Variants in CRACDL observed in about 807,000 individuals in gnomAD.
CRACDL encodes CRACD-like protein.
A neutral mutation model predicts 70.6 loss-of-function variants in CRACDL; 26 were observed. The observed-to-expected ratio is 0.37, with a 90% CI of 0.27 to 0.51. CRACDL has a LOEUF of 0.51. Ranked by LOEUF, CRACDL falls within the 20% of genes least tolerant of loss-of-function variation. The pLI is 0.94. For synonymous variants in CRACDL, 618 were observed against 615.2 expected, an observed-to-expected ratio of 1.00 and a Z score of -0.07; for missense variants, 1,283 against 1,376.9, an observed-to-expected ratio of 0.93 and a Z score of 1.08.
Position 98,794,526 on chromosome 2 carries a change from GC to G in CRACDL, c.*5del. On this transcript the variant is annotated 3_prime_UTR_variant, in exon 10 of 10. Transcript: ENST00000397899. ...AGTGGACATGCTTTATCAGCACACT[GC>G]CCACCTATTTTATAATCTGGGGCAT... 6.2e-7 allele frequency: 1 copy of G among 1,613,500 alleles called. No homozygotes were observed.
At chr2:98,892,151 G>C (rs1707995692) in intron 1 of CRACDL, among the ~76,000 whole-genome samples, 1 of 152,096 alleles carries the variant, frequency 6.6e-6, no homozygotes, top group Admixed American at 6.5e-5. Flanking sequence ...AATCTTAAAA[G>C]TACTCATCCT....
In CRACDL at chr2:98,822,057, G is replaced by GT; in HGVS notation, c.2215dup (p.Thr739AsnfsTer68). The stretch of plus-strand genomic sequence containing the variant: ...CTTTCCTTGGTCGCTGGGGGCCCTG[G>GT]TGCCTCGAAGGGCGGGGGCCGTCCC... On this transcript the variant is annotated frameshift_variant, in exon 7 of 10. Transcript: ENST00000397899. LOFTEE classifies it high-confidence loss of function. The surrounding 1 kb of genome is among the most constrained non-coding windows in gnomAD (Gnocchi z 4.9). 6.5e-7 allele frequency: 1 copy of GT among 1,548,970 alleles called. No homozygotes were observed. Among genetic ancestry groups the GT allele is most frequent in the Non-Finnish European group, 8.7e-7 (1 of 1,146,234 alleles).
intron 7 of CRACDL, among the ~76,000 whole-genome samples, chr2:98,808,072 C>T (rs775067213): frequency 2.0e-5 from 3 of 152,216 alleles, no homozygotes; most frequent in Non-Finnish European, 4.4e-5. Context: ...ATTTTAATTT[C>T]GCTTACATTT....
At chr2:98,908,657 G>A (rs1474292637) in intron 1 of CRACDL, 1 of 152,284 alleles carries the variant, frequency 6.6e-6, no homozygotes, top group Admixed American at 6.5e-5. Context: ...CCTGGTACAA[G>A]CTGCCACTTG....
chr2:98,897,388 C>A, intron 1 of CRACDL: 1 of 1,303,834 alleles, frequency 7.7e-7, no homozygotes, highest in South Asian at 1.2e-5. Flanking sequence ...TTTTATCTTG[C>A]ACGGACGCCA....
chr2:98,822,520 G>A lies in CRACDL; in HGVS notation c.1753C>T (p.Pro585Ser). 1 of 1,459,424 alleles carries A rather than the reference G, an allele frequency of 6.9e-7. No homozygotes were observed. The highest frequency in any genetic ancestry group is 9.0e-7 in the Non-Finnish European group (1 of 1,114,298). The allele number at this position is 1,459,424 out of a possible 1,614,324, so 90.4% of individuals were successfully genotyped here. ...SVSSCRARPR[P>S]GVSRPLERAS... Reference sequence around the variant, plus strand: ...CGTTCCAGCGGGCGGGAGACGCCCGGACGAGGCCGCGCTCGGCACGAGGAC... The same window carrying A: ...CGTTCCAGCGGGCGGGAGACGCCCGAACGAGGCCGCGCTCGGCACGAGGAC... The change falls in exon 7 of 10, where the codon CCG becomes TCG. Residue 585 changes from proline to serine, a missense_variant. Physicochemically the swap from Pro to Ser is moderately conservative, Grantham distance 74. Coordinates refer to ENST00000397899, the MANE Select transcript of CRACDL (RefSeq NM_207362.3). The surrounding 1 kb of genome is among the most constrained non-coding windows in gnomAD (Gnocchi z 4.9).
intron 1 of CRACDL, among the ~76,000 whole-genome samples, chr2:98,854,527 T>A (rs1275977847): frequency 6.6e-6 from 1 of 151,654 alleles, no homozygotes; most frequent in Admixed American, 6.6e-5. Context: ...GTTAGAAAAA[T>A]GAATAGGTAA....
rs1295464017 is a variant in CRACDL at position 98,821,848 on chromosome 2, G to A, written c.2416+9C>T. The A allele has an allele frequency of 1.2e-6, 2 of 1,606,882 alleles. No individual in the cohort carries two copies. Among genetic ancestry groups the A allele is most frequent in the African/African-American group, 1.3e-5 (1 of 74,470 alleles). ...CCCTGCCCTTCCCGCACCCTCGGCGGGCTCTTACCAGCTCCCCTGCGCAGC... is the reference window on the plus strand; with the variant it reads ...CCCTGCCCTTCCCGCACCCTCGGCGAGCTCTTACCAGCTCCCCTGCGCAGC... On this transcript the variant is annotated intron_variant, in intron 7 of 9. Transcript: ENST00000397899.
At chr2:98,895,779 A>C (rs1276511824) in intron 1 of CRACDL, among the ~76,000 whole-genome samples, 1 of 152,178 alleles carries the variant, frequency 6.6e-6, no homozygotes, top group African/African-American at 2.4e-5. Context: ...ATGTCCCCTC[A>C]AAATTCGTGT....
At chr2:98,820,004 GA>G (rs1395587123) in intron 7 of CRACDL, among the ~76,000 whole-genome samples, 1 of 151,420 alleles carries the variant, frequency 6.6e-6, no homozygotes, top group African/African-American at 2.4e-5. Flanking sequence ...ATTTTTAGTA[GA>G]GATGGGGTTT....
chr2:98,869,845 A>G (rs2104594808), intron 1 of CRACDL, among the ~76,000 whole-genome samples: 1 of 152,216 alleles, frequency 6.6e-6, no homozygotes, highest in East Asian at 1.9e-4. Flanking sequence ...ATGCTTTGTT[A>G]ACTGCTTTCC....
intron 6 of CRACDL, among the ~76,000 whole-genome samples, chr2:98,826,073 G>A (rs894675608): frequency 5.3e-5 from 8 of 152,154 alleles, no homozygotes; most frequent in African/African-American, 1.7e-4. Context: ...CAGGGGGGAC[G>A]CGTTACAGTG....
At chr2:98,933,182 G>A (rs1268855226) in intron 1 of CRACDL, among the ~76,000 whole-genome samples, 1 of 152,200 alleles carries the variant, frequency 6.6e-6, no homozygotes, top group Non-Finnish European at 1.5e-5. Flanking sequence ...ACACCAGCTG[G>A]ACAATGATGG....
chr2:98,867,020 G>A (rs1707173828), intron 1 of CRACDL, among the ~76,000 whole-genome samples: 1 of 152,102 alleles, frequency 6.6e-6, no homozygotes, highest in African/African-American at 2.4e-5. Flanking sequence ...GGAGGCCCCT[G>A]CTTAGAGGCC....
intron 1 of CRACDL, among the ~76,000 whole-genome samples, chr2:98,912,340 G>A (rs1338021157): frequency 6.6e-6 from 1 of 152,234 alleles, no homozygotes; most frequent in Non-Finnish European, 1.5e-5. Flanking sequence ...GGTAGGTGAA[G>A]GCACTGAGCC....
At chr2:98,903,618 C>T (rs1708336973) in intron 1 of CRACDL, among the ~76,000 whole-genome samples, 1 of 152,174 alleles carries the variant, frequency 6.6e-6, no homozygotes, top group African/African-American at 2.4e-5. Flanking sequence ...ACTGCAAACA[C>T]TTAAATCAAG....
intron 2 of CRACDL, among the ~76,000 whole-genome samples, chr2:98,840,433 A>T (rs983788288): frequency 3.7e-4 from 56 of 152,180 alleles, no homozygotes; most frequent in Non-Finnish European, 6.0e-4. Flanking sequence ...AACAATTTTT[A>T]AAAATGTTCC....
chr2:98,931,108 T>C (rs1250530059), intron 1 of CRACDL, among the ~76,000 whole-genome samples: 1 of 152,062 alleles, frequency 6.6e-6, no homozygotes. Context: ...GTGGATCACT[T>C]GAGGTCAGGA....
At chr2:98,858,683 T>C (rs1312421613) in intron 1 of CRACDL, among the ~76,000 whole-genome samples, 1 of 151,968 alleles carries the variant, frequency 6.6e-6, no homozygotes, top group Non-Finnish European at 1.5e-5. Flanking sequence ...ACATTTTAAA[T>C]AATCAATGCA....
Sources: allele counts gnomAD v4.1 joint callset (sites outside exome capture counted in the v4.1 genomes callset), GRCh38; gene constraint gnomAD v4.1.1; non-coding constraint Gnocchi (gnomAD v3.1); transcripts MANE v1.5; gene names NCBI Gene and HGNC (gene_info 2026-07-23, HGNC 2026-07-21).